SH3RF2: variants seen among roughly 807,000 people sequenced by gnomAD.
SH3RF2 encodes E3 ubiquitin-protein ligase SH3RF2.
SH3RF2 carries 43 observed loss-of-function variants against 59.0 expected under a neutral mutation model. The observed-to-expected ratio is 0.73, with a 90% CI of 0.57 to 0.94. The LOEUF (loss-of-function observed/expected upper bound fraction) is 0.94, where lower values mean the gene tolerates loss of function less well. Ranked by LOEUF, SH3RF2 falls within the 40% of genes least tolerant of loss-of-function variation. The probability of loss-of-function intolerance (pLI) is 0.00; values close to 1 mark genes in which losing one functional copy is unlikely to be tolerated. For missense variants in SH3RF2, 930 were observed against 940.1 expected, an observed-to-expected ratio of 0.99 and a Z score of 0.14; for synonymous variants, 391 against 391.5, an observed-to-expected ratio of 1.00 and a Z score of 0.01.
intron 8 of SH3RF2, among the ~76,000 whole-genome samples, chr5:146,057,293 C>A (rs1176726559): frequency 1.7e-4 from 26 of 152,196 alleles, no homozygotes; most frequent in African/African-American, 6.3e-4. Context: ...TCCCATGACT[C>A]TGGGCACTTC....
chr5:146,044,655 T>C, intron 5 of SH3RF2, among the ~76,000 whole-genome samples: 1 of 152,090 alleles, frequency 6.6e-6, no homozygotes, highest in East Asian at 1.9e-4. Context: ...TTCTCCTTCC[T>C]TCCTCCCTCT....
downstream of SH3RF2, among the ~76,000 whole-genome samples, chr5:146,066,981 C>T (rs1034024677): frequency 3.3e-5 from 5 of 152,062 alleles, no homozygotes; most frequent in African/African-American, 9.7e-5. Flanking sequence ...GTGGGGAAGG[C>T]GGGTCATGCC....
chr5:145,951,276 A>G (rs944460948), intron 2 of SH3RF2, among the ~76,000 whole-genome samples: 1 of 152,224 alleles, frequency 6.6e-6, no homozygotes, highest in Non-Finnish European at 1.5e-5. Context: ...CTAAGCACAC[A>G]TTCTTGACTG....
At chr5:146,021,841 G>T (rs1282409507) in intron 5 of SH3RF2, among the ~76,000 whole-genome samples, 3 of 152,090 alleles carry the variant, frequency 2.0e-5, no homozygotes, top group Non-Finnish European at 4.4e-5. Context: ...TGGGATGTAG[G>T]ACCAATCAAT....
intron 5 of SH3RF2, among the ~76,000 whole-genome samples, chr5:146,024,308 T>C (rs1016479752): frequency 1.3e-5 from 2 of 152,240 alleles, no homozygotes; most frequent in Non-Finnish European, 2.9e-5. Context: ...ATTGTGGTTT[T>C]GATTTGCATT....
At chr5:146,028,073 T>C (rs2024060) in intron 5 of SH3RF2, among the ~76,000 whole-genome samples, 44,019 of 151,726 alleles carry the variant, frequency 0.29, 7,782 homozygotes, top group Non-Finnish European at 0.38. Flanking sequence ...GGGAGCGGCC[T>C]AGCCTGTACC....
intron 2 of SH3RF2, among the ~76,000 whole-genome samples, chr5:145,958,613 C>T (rs191610048): frequency 6.7e-4 from 102 of 152,208 alleles, no homozygotes; most frequent in Non-Finnish European, 1.2e-3. Context: ...ACATCTGGTC[C>T]GATATCTTCT....
At chr5:145,944,675 A>G (rs552345183) in intron 2 of SH3RF2, among the ~76,000 whole-genome samples, 1 of 152,296 alleles carries the variant, frequency 6.6e-6, no homozygotes, top group East Asian at 1.9e-4. Context: ...TGCACGTTTT[A>G]CCATGCTGAT....
intron 5 of SH3RF2, among the ~76,000 whole-genome samples, chr5:146,045,920 C>T (rs1006296786): frequency 1.3e-5 from 2 of 152,208 alleles, no homozygotes; most frequent in African/African-American, 4.8e-5. Context: ...TGCATAGAGG[C>T]TGTACCATTT....
intron 4 of SH3RF2, among the ~76,000 whole-genome samples, chr5:146,008,871 G>T (rs1451083332): frequency 3.3e-5 from 5 of 152,050 alleles, no homozygotes; most frequent in African/African-American, 1.2e-4. Flanking sequence ...TCATATAAAT[G>T]GAATCATACA....
chr5:145,978,742 T>C (rs1759397830), intron 2 of SH3RF2, among the ~76,000 whole-genome samples: 1 of 152,062 alleles, frequency 6.6e-6, no homozygotes, highest in African/African-American at 2.4e-5. Context: ...TCCACCAGAC[T>C]GTGTGAACAA....
At chr5:145,981,549 G>A (rs1457096739) in intron 2 of SH3RF2, among the ~76,000 whole-genome samples, 1 of 152,124 alleles carries the variant, frequency 6.6e-6, no homozygotes, top group East Asian at 1.9e-4. Context: ...TTATTTATTA[G>A]AGAGATTGGG....
chr5:146,051,587 T>G (rs557694237), intron 7 of SH3RF2, among the ~76,000 whole-genome samples: 86 of 152,012 alleles, frequency 5.7e-4, no homozygotes, highest in Non-Finnish European at 1.1e-3. Context: ...GAGAGCAAGT[T>G]TTTTTTTCCT....
At chr5:145,962,987 T>C (rs1758689551) in intron 2 of SH3RF2, among the ~76,000 whole-genome samples, 1 of 144,706 alleles carries the variant, frequency 6.9e-6, no homozygotes, top group South Asian at 2.3e-4. Flanking sequence ...AAGCTCTGCC[T>C]CCTGGGTTCA....
intron 5 of SH3RF2, among the ~76,000 whole-genome samples, chr5:146,022,874 AACACACACACACAC>A (rs57377156): frequency 0.54 from 76,722 of 141,906 alleles, 20,747 homozygotes; most frequent in South Asian, 0.7. Flanking sequence ...GCTCCATCTA[AACACACACACACAC>A]ACACACACAC....
Position 146,062,427 on chromosome 5 carries a change from A to G in SH3RF2, c.1916A>G (p.Gln639Arg). The G allele has an allele frequency of 6.2e-7, 1 of 1,613,132 alleles. No homozygotes were observed. Among genetic ancestry groups the G allele is most frequent in the Non-Finnish European group, 8.5e-7 (1 of 1,179,194 alleles). The change falls in exon 10 of 10, where the codon CAA becomes CGA. Residue 639 changes from glutamine (Q) to arginine (R), a missense_variant and splice_region_variant. Coordinates refer to ENST00000359120, the MANE Select transcript of SH3RF2 (RefSeq NM_152550.4). ...CATTTCCTCTCCTTTCTCTTGCAGCAAGTCAAAACCGTGAGATTTCAGAAT... is the reference window on the plus strand; with the variant it reads ...CATTTCCTCTCCTTTCTCTTGCAGCGAGTCAAAACCGTGAGATTTCAGAAT... ...PENSRNGIEKQVKTVRFQNYS... is the reference protein window; with the variant it reads ...PENSRNGIEKRVKTVRFQNYS...
At chr5:146,021,266 T>G (rs1020054518) in intron 5 of SH3RF2, among the ~76,000 whole-genome samples, 37 of 152,362 alleles carry the variant, frequency 2.4e-4, no homozygotes, top group African/African-American at 8.9e-4. Context: ...TATTTAAGAT[T>G]CTTAGCTAAT....
chr5:146,011,005 G>A (rs564382173), intron 4 of SH3RF2, among the ~76,000 whole-genome samples: 2 of 152,092 alleles, frequency 1.3e-5, no homozygotes, highest in East Asian at 1.9e-4. Context: ...GGGTTTTTAT[G>A]GTTTTAGGTC....
chr5:145,995,783 A>G (rs1414120106), intron 2 of SH3RF2, among the ~76,000 whole-genome samples: 1 of 152,222 alleles, frequency 6.6e-6, no homozygotes, highest in African/African-American at 2.4e-5. Context: ...AAAAACATAC[A>G]TATGTATTTA....
Sources: allele counts gnomAD v4.1 joint callset (sites outside exome capture counted in the v4.1 genomes callset), GRCh38; gene constraint gnomAD v4.1.1; transcripts MANE v1.5; gene names NCBI Gene and HGNC (gene_info 2026-07-23, HGNC 2026-07-21).